Variants in XRCC4 observed in about 807,000 individuals in gnomAD.
XRCC4 encodes the protein DNA repair protein XRCC4.
Under a neutral mutation model 39.1 loss-of-function variants are expected in XRCC4, and 28 were observed. The observed-to-expected ratio is 0.72, with a 90% CI of 0.53 to 0.98. XRCC4 has a LOEUF of 0.98. Ranked by LOEUF, XRCC4 falls within the 50% of genes least tolerant of loss-of-function variation. The pLI is 0.00. For missense variants in XRCC4, 350 were observed against 376.4 expected, an observed-to-expected ratio of 0.93 and a Z score of 0.58; for synonymous variants, 123 against 126.4, an observed-to-expected ratio of 0.97 and a Z score of 0.18.
intron 3 of XRCC4, among the ~76,000 whole-genome samples, chr5:83,132,479 C>T (rs1747647086): frequency 6.6e-6 from 1 of 152,008 alleles, no homozygotes; most frequent in Non-Finnish European, 1.5e-5. Context: ...AGAGTGTTTT[C>T]CAACTTGGTT....
chr5:83,262,608 A>G (rs1440788531), intron 7 of XRCC4, among the ~76,000 whole-genome samples: 4 of 152,084 alleles, frequency 2.6e-5, no homozygotes, highest in African/African-American at 9.7e-5. Context: ...ATAAATATAA[A>G]TTATTAAATT....
At position 83,118,044 on chromosome 5, in the gene XRCC4, CCACACA is replaced by C. The variant is rs34524513; in HGVS notation, c.315+6870_315+6875del. 5.0e-3 allele frequency among the ~76,000 whole-genome samples: 587 copies of C among 118,514 alleles called. 4 individuals are homozygous for C. The highest frequency in any genetic ancestry group is 0.013 in the African/African-American group (375 of 28,650). 77.7% of individuals were successfully genotyped at this position (118,514 alleles called of 152,430 possible). ...TATATATGTGTATGTATATACATCT[CCACACA>C]CACACACACACACACACACACACAC... is the stretch of plus-strand genomic sequence containing the variant. On this transcript the variant is annotated intron_variant, in intron 3 of 7. Coordinates refer to ENST00000396027, the MANE Select transcript of XRCC4 (RefSeq NM_003401.5).
intron 3 of XRCC4, among the ~76,000 whole-genome samples, chr5:83,134,943 G>A (rs1747815161): frequency 6.6e-6 from 1 of 152,028 alleles, no homozygotes; most frequent in South Asian, 2.1e-4. Context: ...CATTGACCAC[G>A]AACCCACCAG....
chr5:83,297,062 CAGAA>C (rs576249134), intron 7 of XRCC4, among the ~76,000 whole-genome samples: 209 of 151,806 alleles, frequency 1.4e-3, no homozygotes, highest in African/African-American at 4.7e-3. Flanking sequence ...ATATTATTAA[CAGAA>C]AGGAAAATTA....
intron 7 of XRCC4, among the ~76,000 whole-genome samples, chr5:83,348,535 C>T (rs987023157): frequency 3.9e-5 from 6 of 152,340 alleles, no homozygotes; most frequent in Middle Eastern, 3.4e-3. Flanking sequence ...TGCAGGGTGC[C>T]ATGTCCCAAG....
intron 4 of XRCC4, among the ~76,000 whole-genome samples, chr5:83,196,654 ATG>A (rs886489872): frequency 9.2e-5 from 14 of 151,818 alleles, no homozygotes; most frequent in African/African-American, 3.1e-4. Context: ...TAATATATAT[ATG>A]TGTGTGTGTA....
chr5:83,262,857 T>A (rs1184073653), intron 7 of XRCC4, among the ~76,000 whole-genome samples: 1 of 130,216 alleles, frequency 7.7e-6, no homozygotes, highest in Non-Finnish European at 1.5e-5. Context: ...TTTTTTTTTT[T>A]TATACTTTAA....
chr5:83,105,581 T>A (rs1169234009), intron 2 of XRCC4, among the ~76,000 whole-genome samples: 2 of 152,182 alleles, frequency 1.3e-5, no homozygotes, highest in Non-Finnish European at 2.9e-5. Flanking sequence ...TTTTAGGAAA[T>A]AGATTTTTTT....
At chr5:83,186,490 T>A (rs932728576) in intron 3 of XRCC4, among the ~76,000 whole-genome samples, 3 of 152,156 alleles carry the variant, frequency 2.0e-5, no homozygotes, top group African/African-American at 7.2e-5. Context: ...CTCCTTCCTT[T>A]CTCTTGTAAG....
At chr5:83,266,059 G>C (rs570206375) in intron 7 of XRCC4, among the ~76,000 whole-genome samples, 19 of 152,042 alleles carry the variant, frequency 1.2e-4, no homozygotes, top group Non-Finnish European at 7.4e-5. Flanking sequence ...TCATTTGAAA[G>C]ACTTTGATAT....
At chr5:83,272,571 C>T (rs367838707) in intron 7 of XRCC4, among the ~76,000 whole-genome samples, 1 of 151,982 alleles carries the variant, frequency 6.6e-6, no homozygotes, top group South Asian at 2.1e-4. Context: ...AATGCTTTCC[C>T]TCTTCTTTCC....
chr5:83,153,515 C>G (rs185030696), intron 3 of XRCC4, among the ~76,000 whole-genome samples: 14 of 152,220 alleles, frequency 9.2e-5, no homozygotes, highest in African/African-American at 2.9e-4. Context: ...ACATGAACAG[C>G]CATTTCACCA....
At chr5:83,180,325 T>G (rs1580336515) in intron 3 of XRCC4, among the ~76,000 whole-genome samples, 2 of 152,118 alleles carry the variant, frequency 1.3e-5, no homozygotes, top group South Asian at 4.1e-4. Flanking sequence ...ATAAGAGTGA[T>G]ATGAGGGTAA....
At chr5:83,127,516 C>G (rs1028914024) in intron 3 of XRCC4, among the ~76,000 whole-genome samples, 1 of 152,052 alleles carries the variant, frequency 6.6e-6, no homozygotes, top group Non-Finnish European at 1.5e-5. Context: ...GGGGCCTTCA[C>G]AGCTACGTGG....
intron 4 of XRCC4, among the ~76,000 whole-genome samples, chr5:83,200,459 A>C (rs981331185): frequency 1.3e-5 from 2 of 152,232 alleles, no homozygotes; most frequent in African/African-American, 4.8e-5. Flanking sequence ...TCCTTTGACA[A>C]CATAGATCTG....
chr5:83,226,321 A>C (rs1168505775), intron 6 of XRCC4, among the ~76,000 whole-genome samples: 2 of 152,062 alleles, frequency 1.3e-5, no homozygotes, highest in African/African-American at 4.8e-5. Context: ...AAACCAGGTT[A>C]GTAGGTAGAC....
chr5:83,363,611 A>G, the XRCC4 span, among the ~76,000 whole-genome samples: 1 of 152,166 alleles, frequency 6.6e-6, no homozygotes, highest in African/African-American at 2.4e-5. Flanking sequence ...GAAATGTTGC[A>G]AACAGTCTTT....
At chr5:83,083,037 ATGT>A (rs1445685391) in intron 1 of XRCC4, among the ~76,000 whole-genome samples, 2 of 152,042 alleles carry the variant, frequency 1.3e-5, no homozygotes, top group Admixed American at 1.3e-4. Flanking sequence ...TAGCTTTTAC[ATGT>A]TGTTCAAATG....
chr5:83,125,420 A>C (rs2112458153), intron 3 of XRCC4, among the ~76,000 whole-genome samples: 1 of 152,268 alleles, frequency 6.6e-6, no homozygotes, highest in Non-Finnish European at 1.5e-5. Flanking sequence ...TCTGTATTTT[A>C]CATTTATATC....
Sources: gnomAD v4.1 joint callset for allele counts (sites outside exome capture counted in the v4.1 genomes callset) on GRCh38, gnomAD v4.1.1 for gene constraint, MANE v1.5 for transcripts, NCBI Gene and HGNC (gene_info 2026-07-23, HGNC 2026-07-21) for gene names.